The following DYM variants were observed in gnomAD, a reference collection of about 807,000 sequenced individuals.
DYM encodes dymeclin.
A neutral mutation model predicts 93.1 loss-of-function variants in DYM; 78 were observed. The ratio of observed to expected loss-of-function variants is 0.84; its 90% CI spans 0.70 to 1.01. The LOEUF is 1.01. Ranked by LOEUF, DYM falls within the 50% of genes least tolerant of loss-of-function variation. The pLI is 0.00. For missense variants in DYM, 789 were observed against 845.0 expected (o/e 0.93, Z 0.82); for synonymous variants, 321 against 319.7 (o/e 1.00, Z -0.04).
chr18:49,281,910 A>C lies in DYM; in HGVS notation c.1125+87T>G, dbSNP rs574419570. 3.1e-5 allele frequency: 42 copies of C among 1,336,818 alleles called. 1 individual carries two copies. The South Asian group carries it at 5.5e-4, about 18-fold the overall frequency. The allele number at this position is 1,336,818 out of a possible 1,614,324, so 82.8% of individuals were successfully genotyped here. On this transcript the variant is annotated intron_variant, in intron 10 of 17. Coordinates refer to ENST00000675505, the MANE Select transcript of DYM (RefSeq NM_001353214.3). ...ATGGCACATGTATACATATGTAACT[A>C]ACCTGCACGCTGTGCCATGTACCCT...
At chr18:49,264,828 T>C (rs578250441) in intron 11 of DYM, among the ~76,000 whole-genome samples, 2 of 152,294 alleles carry the variant, frequency 1.3e-5, no homozygotes, top group South Asian at 2.1e-4. Context: ...GAGTAGTACA[T>C]TGAACAAATA....
intron 8 of DYM, among the ~76,000 whole-genome samples, chr18:49,292,985 C>T (rs1431264806): frequency 1.3e-5 from 2 of 152,066 alleles, no homozygotes; most frequent in Non-Finnish European, 2.9e-5. Flanking sequence ...TAGCCCCTTA[C>T]CCACCGACAG....
At chr18:49,174,819 T>C (rs1298722984) in intron 14 of DYM, among the ~76,000 whole-genome samples, 1 of 151,398 alleles carries the variant, frequency 6.6e-6, no homozygotes, top group Non-Finnish European at 1.5e-5. Context: ...GAGAATGAAG[T>C]GAACTTAAGC....
At chr18:49,336,592 T>C (rs1177149817) in intron 6 of DYM, among the ~76,000 whole-genome samples, 1 of 152,200 alleles carries the variant, frequency 6.6e-6, no homozygotes, top group African/African-American at 2.4e-5. Flanking sequence ...AAACAAATTA[T>C]ATCAAATTGC....
Position 49,203,541 on chromosome 18 carries a change from C to T in DYM, c.1625+6010G>A, listed in dbSNP as rs993773873. Among the ~76,000 whole-genome samples the T allele has an allele frequency of 2.8e-4, 41 of 145,486 alleles. 1 individual carries two copies. The highest frequency in any genetic ancestry group is 1.1e-3 in the African/African-American group (41 of 38,738). On this transcript the variant is annotated intron_variant, in intron 14 of 17. Coordinates refer to ENST00000675505, the MANE Select transcript of DYM (RefSeq NM_001353214.3). ...TCCTCTGCCTTGGGATCCTGTTGAT[C>T]TGTGACCTTACCCCCAACCCTGTGC...
chr18:49,114,559 AAGG>A (rs1568444376), intron 16 of DYM: 2 of 985,288 alleles, frequency 2.0e-6, no homozygotes, highest in African/African-American at 3.5e-5. Context: ...ACTTCTTCCA[AAGG>A]AGAATGTGTT....
At chr18:49,346,883 T>C (rs2064648760) in intron 6 of DYM, among the ~76,000 whole-genome samples, 1 of 152,156 alleles carries the variant, frequency 6.6e-6, no homozygotes, top group Admixed American at 6.6e-5. Flanking sequence ...AAGTTGAAAG[T>C]ATCAAAAGCC....
rs1279518996 is a variant in DYM, at chr18:49,118,775, G to T, written c.1880C>A (p.Ser627Ter). 1 of 1,613,942 alleles carries T rather than the reference G, an allele frequency of 6.2e-7. No homozygotes were observed. The highest frequency in any genetic ancestry group is 1.3e-5 in the African/African-American group (1 of 74,922). Residue 627 changes from serine (S) to a stop codon, truncating the protein, a stop_gained, in exon 16 of 18, where the codon TCA becomes TAA. Coordinates refer to ENST00000675505, the MANE Select transcript of DYM (RefSeq NM_001353214.3). LOFTEE classifies it high-confidence loss of function. ...AATATTTTGCATTATATCCTGAAAT[G>T]AAGGATGAGTTCGAAATTGTTCAAA... ...DLFEQFRTHP[S>*]FQDIMQNIDL... is the part of the protein sequence containing the mutation.
At chr18:49,367,280 T>C (rs533009499) in intron 5 of DYM, among the ~76,000 whole-genome samples, 1 of 152,336 alleles carries the variant, frequency 6.6e-6, no homozygotes, top group Admixed American at 6.5e-5. Flanking sequence ...ATCCCAGCCC[T>C]ATCCCTGGAG....
chr18:49,129,283 T>C (rs1019965576), intron 15 of DYM, among the ~76,000 whole-genome samples: 4 of 152,102 alleles, frequency 2.6e-5, no homozygotes, highest in Admixed American at 6.5e-5. Flanking sequence ...TGTGTACACA[T>C]TGTAAGGAAC....
chr18:49,063,819 C>T lies in DYM; in HGVS notation c.2026-19615G>A, dbSNP rs555738026. ...CTTTTTTGTATTTTTTGTAGAGACA[C>T]GGTTCTGCCATGTTGACCAGGCTGG... On this transcript the variant is annotated intron_variant, in intron 17 of 17. Coordinates refer to ENST00000675505, the MANE Select transcript of DYM (RefSeq NM_001353214.3). Among the ~76,000 whole-genome samples, 288 of 151,900 alleles carry T rather than the reference C, an allele frequency of 1.9e-3. 3 individuals carry two copies. Among genetic ancestry groups the T allele is most frequent in the Non-Finnish European group, 9.6e-4 (65 of 67,918 alleles).
chr18:49,204,181 A>G (rs1198919296), intron 14 of DYM, among the ~76,000 whole-genome samples: 1 of 152,266 alleles, frequency 6.6e-6, no homozygotes. Context: ...TGATCCTGGC[A>G]AAGTATTAAC....
At chr18:49,247,028 G>T (rs1407626359) in intron 13 of DYM, among the ~76,000 whole-genome samples, 1 of 152,236 alleles carries the variant, frequency 6.6e-6, no homozygotes, top group Non-Finnish European at 1.5e-5. Flanking sequence ...GTGGATGCTT[G>T]TAGAGTGAAC....
chr18:49,081,064 C>T (rs1399106220), intron 17 of DYM, among the ~76,000 whole-genome samples: 3 of 151,164 alleles, frequency 2.0e-5, no homozygotes, highest in East Asian at 2.0e-4. Flanking sequence ...AGACGATGGG[C>T]GGCCAGGCAG....
At chr18:49,285,674 A>T (rs2095105019) in intron 9 of DYM, among the ~76,000 whole-genome samples, 1 of 152,226 alleles carries the variant, frequency 6.6e-6, no homozygotes, top group Non-Finnish European at 1.5e-5. Context: ...GTCTAAGTAC[A>T]CTATGATATT....
intron 15 of DYM, among the ~76,000 whole-genome samples, chr18:49,121,267 G>A (rs142114380): frequency 7.2e-5 from 11 of 152,216 alleles, no homozygotes; most frequent in Admixed American, 3.3e-4. Flanking sequence ...GCCTTAAATA[G>A]GTTTCAATAA....
intron 17 of DYM, chr18:49,048,526 G>A (rs1183258548): frequency 6.6e-6 from 1 of 152,206 alleles, no homozygotes; most frequent in Non-Finnish European, 1.5e-5. Context: ...AAGGCCTTAG[G>A]AGAGGCTGTG....
chr18:49,358,327 T>C (rs2065740094), intron 6 of DYM, among the ~76,000 whole-genome samples: 1 of 151,834 alleles, frequency 6.6e-6, no homozygotes, highest in South Asian at 2.1e-4. Context: ...GCCATGCAAA[T>C]ATCTAAAGGA....
intron 6 of DYM, among the ~76,000 whole-genome samples, chr18:49,334,201 TACAGAG>T (rs2146874687): frequency 6.6e-6 from 1 of 152,318 alleles, no homozygotes; most frequent in South Asian, 2.1e-4. Context: ...TTAGTGATAA[TACAGAG>T]ACAAATACTC....
Sources: gnomAD v4.1 joint callset for allele counts (sites outside exome capture counted in the v4.1 genomes callset) on GRCh38, gnomAD v4.1.1 for gene constraint, MANE v1.5 for transcripts, NCBI Gene and HGNC (gene_info 2026-07-23, HGNC 2026-07-21) for gene names.